Variants in SEPTIN9 observed in about 807,000 individuals in gnomAD.
SEPTIN9 encodes septin-9.
A neutral mutation model predicts 56.6 loss-of-function variants in SEPTIN9; 13 were observed. That is an observed-to-expected ratio of 0.23 (90% CI 0.15 to 0.37). SEPTIN9 has a LOEUF of 0.37. SEPTIN9 is among the 10% of genes least tolerant of loss of function. The pLI, the probability that SEPTIN9 is intolerant of heterozygous loss-of-function variation, is 1.00. For synonymous variants in SEPTIN9, 332 were observed against 334.1 expected, an observed-to-expected ratio of 0.99 and a Z score of 0.07; for missense variants, 650 against 823.1, an observed-to-expected ratio of 0.79 and a Z score of 2.57.
At chr17:77,441,963 C>T (rs1270068775) in intron 3 of SEPTIN9, 1 of 152,186 alleles carries the variant, frequency 6.6e-6, no homozygotes, top group Non-Finnish European at 1.5e-5. Context: ...TACATTTCCT[C>T]TACCCTCTTA....
At position 77,498,675 on chromosome 17, in the gene SEPTIN9, C is replaced by CCCCCGGG; in HGVS notation, c.*20_*21insCGGGCCC. On this transcript the variant is annotated 3_prime_UTR_variant, in exon 12 of 12. Coordinates refer to ENST00000427177, the MANE Select transcript of SEPTIN9 (RefSeq NM_001113491.2). ...GAGATGTAGACGCCACCCTGCCCAC[C>CCCCCGGG]CCCGGGATCCTGCCCCCAAGTCATT... The CCCCCGGG allele has an allele frequency of 6.6e-7, 1 of 1,525,126 alleles. No homozygotes were observed. Among genetic ancestry groups the CCCCCGGG allele is most frequent in the Non-Finnish European group, 8.8e-7 (1 of 1,132,370 alleles). The allele number at this position is 1,525,126 out of a possible 1,614,324, so 94.5% of individuals were successfully genotyped here.
intron 2 of SEPTIN9, among the ~76,000 whole-genome samples, chr17:77,339,579 G>T (rs904442726): frequency 6.6e-6 from 1 of 151,472 alleles, no homozygotes; most frequent in Admixed American, 6.6e-5. Context: ...GCATGATCTC[G>T]GCTCATTGTA....
chr17:77,473,344 A>T (rs2039079650), intron 3 of SEPTIN9, among the ~76,000 whole-genome samples: 1 of 152,060 alleles, frequency 6.6e-6, no homozygotes, highest in Middle Eastern at 3.2e-3. Context: ...AACCCTATTA[A>T]ATTCTGTAAG....
intron 1 of SEPTIN9, among the ~76,000 whole-genome samples, chr17:77,302,576 G>A (rs2032100600): frequency 6.6e-6 from 1 of 152,198 alleles, no homozygotes; most frequent in African/African-American, 2.4e-5. Context: ...TACGCAGGAG[G>A]TTGAGGCAGG....
At chr17:77,438,255 C>T (rs2037425011) in intron 3 of SEPTIN9, among the ~76,000 whole-genome samples, 1 of 152,232 alleles carries the variant, frequency 6.6e-6, no homozygotes, top group South Asian at 2.1e-4. Flanking sequence ...TGGTTCCCCG[C>T]CGACCCCCAT....
intron 3 of SEPTIN9, among the ~76,000 whole-genome samples, chr17:77,416,027 T>C (rs747482): frequency 0.37 from 56,817 of 152,198 alleles, 11,160 homozygotes; most frequent in African/African-American, 0.42. Flanking sequence ...TGCATAGTAA[T>C]CTCTATGATG....
chr17:77,431,967 CA>C (rs886214275), intron 3 of SEPTIN9, among the ~76,000 whole-genome samples: 1 of 151,612 alleles, frequency 6.6e-6, no homozygotes, highest in Non-Finnish European at 1.5e-5. Context: ...ACTGGATGTT[CA>C]AAAAAATGTT....
chr17:77,452,606 T>C (rs2144418254), intron 3 of SEPTIN9, among the ~76,000 whole-genome samples: 1 of 152,264 alleles, frequency 6.6e-6, no homozygotes, highest in Admixed American at 6.5e-5. Flanking sequence ...TGTTCGGGGC[T>C]GTGGAGACAG....
intron 1 of SEPTIN9, among the ~76,000 whole-genome samples, chr17:77,297,548 G>A (rs8078060): frequency 3.3e-5 from 5 of 152,212 alleles, no homozygotes; most frequent in East Asian, 3.8e-4. Flanking sequence ...CAGAAGAATC[G>A]TGGTTGCATG....
At chr17:77,404,920 G>T (rs997575756) in intron 3 of SEPTIN9, among the ~76,000 whole-genome samples, 3 of 152,234 alleles carry the variant, frequency 2.0e-5, no homozygotes, top group Non-Finnish European at 4.4e-5. Flanking sequence ...AAAGGCATGG[G>T]CAGTTTGCAG....
At position 77,431,006 on chromosome 17, in the gene SEPTIN9, AAG is replaced by A. The variant is rs1243393285; in HGVS notation, c.721+28305_721+28306del. 9.2e-5 allele frequency among the ~76,000 whole-genome samples: 12 copies of A among 130,656 alleles called. No homozygotes were observed. In the East Asian group the frequency reaches 2.4e-3, roughly 26 times the overall value. 85.7% of individuals were successfully genotyped at this position (130,656 alleles called of 152,430 possible). On this transcript the variant is annotated intron_variant, in intron 3 of 11. Coordinates refer to ENST00000427177, the MANE Select transcript of SEPTIN9 (RefSeq NM_001113491.2). ...ACTCCGTATCAAAAAAAAAAAAAAG[AAG>A]AAGAACAAGAAGTGCTAAGAAGCAT...
In SEPTIN9 at chr17:77,435,185, C is replaced by T. The variant is rs1598370645; in HGVS notation, c.721+32482C>T. Among the ~76,000 whole-genome samples the T allele has an allele frequency of 6.6e-6, 1 of 152,180 alleles. No homozygotes were observed. Among genetic ancestry groups the T allele is most frequent in the African/African-American group, 2.4e-5 (1 of 41,448 alleles). On this transcript the variant is annotated intron_variant, in intron 3 of 11. Coordinates refer to ENST00000427177, the MANE Select transcript of SEPTIN9 (RefSeq NM_001113491.2). The surrounding 1 kb of genome is among the most constrained non-coding windows in gnomAD (Gnocchi z 4.5). ...TAACCTGCCCAAGCCTCCCTCTGAGCATGGCAGAGGGAGGGTCCGAATGCG... is the reference window on the plus strand; with the variant it reads ...TAACCTGCCCAAGCCTCCCTCTGAGTATGGCAGAGGGAGGGTCCGAATGCG...
chr17:77,498,195 C>T (rs1392900452), intron 11 of SEPTIN9, among the ~76,000 whole-genome samples: 1 of 152,002 alleles, frequency 6.6e-6, no homozygotes, highest in Non-Finnish European at 1.5e-5. Context: ...AATGCTCCAG[C>T]CCTGTCCCTC....
intron 1 of SEPTIN9, among the ~76,000 whole-genome samples, chr17:77,304,259 C>T (rs1239580404): frequency 6.6e-6 from 1 of 152,212 alleles, no homozygotes; most frequent in Non-Finnish European, 1.5e-5. Context: ...GCTGCGCTCG[C>T]CCCCTTCTTA....
intron 3 of SEPTIN9, among the ~76,000 whole-genome samples, chr17:77,477,054 C>T (rs1325440602): frequency 1.3e-5 from 2 of 152,124 alleles, no homozygotes; most frequent in African/African-American, 4.8e-5. Flanking sequence ...AAATGACTGC[C>T]TTCTTTCCCT....
Position 77,425,435 on chromosome 17 carries a change from C to T in SEPTIN9, c.721+22732C>T, listed in dbSNP as rs993649678. On this transcript the variant is annotated intron_variant, in intron 3 of 11. Coordinates refer to ENST00000427177, the MANE Select transcript of SEPTIN9 (RefSeq NM_001113491.2). This position sits in a 1 kb window ranked among gnomAD's most constrained non-coding sequence, Gnocchi z 4.2. ...CCGTGTCCCCAGGGTGAAGCCCACC[C>T]GAGTGTCACTCTGGATACAGCCCTC... Among the ~76,000 whole-genome samples the T allele has an allele frequency of 4.6e-5, 7 of 152,186 alleles. No individual in the cohort carries two copies. The highest frequency in any genetic ancestry group is 1.9e-4 in the East Asian group (1 of 5,186).
intron 2 of SEPTIN9, among the ~76,000 whole-genome samples, chr17:77,341,629 G>T (rs1005971482): frequency 3.9e-5 from 6 of 151,936 alleles, no homozygotes; most frequent in Non-Finnish European, 8.8e-5. Flanking sequence ...ACCAAAATTA[G>T]CCAGGCGTGG....
At chr17:77,442,825 A>T (rs145729403) in intron 3 of SEPTIN9, among the ~76,000 whole-genome samples, 1,893 of 152,172 alleles carry the variant, frequency 0.012, 35 homozygotes, top group African/African-American at 0.043. Context: ...GTGAGCTGAG[A>T]TCATACCATT....
chr17:77,288,016 G>T, intron 1 of SEPTIN9: 1 of 1,061,174 alleles, frequency 9.4e-7, no homozygotes, highest in African/African-American at 1.6e-5. Flanking sequence ...AGGAACCCTG[G>T]ATGGCCACTC....
Sources: gnomAD v4.1 joint callset for allele counts (sites outside exome capture counted in the v4.1 genomes callset) on GRCh38, gnomAD v4.1.1 for gene constraint, Gnocchi (gnomAD v3.1) non-coding constraint, MANE v1.5 for transcripts, NCBI Gene and HGNC (gene_info 2026-07-23, HGNC 2026-07-21) for gene names.